Variants in JMJD1C observed in about 807,000 individuals in gnomAD.
JMJD1C encodes jumonji domain-containing protein 1C.
JMJD1C carries 31 observed loss-of-function variants against 245.3 expected under a neutral mutation model. That is an observed-to-expected ratio of 0.13 (90% CI 0.09 to 0.17). The LOEUF is 0.17. JMJD1C is among the 10% of genes least tolerant of loss of function. The pLI, the probability that JMJD1C is intolerant of heterozygous loss-of-function variation, is 1.00. For missense variants in JMJD1C, 2,691 were observed against 3,000.2 expected (o/e 0.90, Z 2.41); for synonymous variants, 1,057 against 1,017.4 (o/e 1.04, Z -0.74).
intron 3 of JMJD1C, among the ~76,000 whole-genome samples, chr10:63,227,583 G>A (rs1210567006): frequency 1.3e-5 from 2 of 152,206 alleles, no homozygotes; most frequent in Non-Finnish European, 2.9e-5. Flanking sequence ...ACTGATATGT[G>A]TGGCTTATTA....
chr10:63,288,574 T>C (rs541378935), intron 2 of JMJD1C, among the ~76,000 whole-genome samples: 5 of 152,312 alleles, frequency 3.3e-5, no homozygotes, highest in East Asian at 3.9e-4. Flanking sequence ...TTACGTCAGG[T>C]TGTTCATGCT....
At chr10:63,398,471 A>C (rs1242835133) in intron 1 of JMJD1C, among the ~76,000 whole-genome samples, 3 of 152,148 alleles carry the variant, frequency 2.0e-5, no homozygotes, top group African/African-American at 7.2e-5. Flanking sequence ...TAATTAGAAA[A>C]GACTACCTCA....
At chr10:63,418,725 G>A (rs542825623) in intron 1 of JMJD1C, among the ~76,000 whole-genome samples, 4 of 152,254 alleles carry the variant, frequency 2.6e-5, no homozygotes, top group Non-Finnish European at 5.9e-5. Context: ...TATCATGTGG[G>A]GGGGGTTTCT....
intron 3 of JMJD1C, among the ~76,000 whole-genome samples, chr10:63,235,437 C>G (rs761555810): frequency 3.3e-5 from 5 of 152,070 alleles, no homozygotes; most frequent in African/African-American, 4.8e-5. Context: ...GCAGAGGTTG[C>G]AGTGAGCCGA....
intron 1 of JMJD1C, among the ~76,000 whole-genome samples, chr10:63,500,985 G>A (rs576556161): frequency 1.3e-5 from 2 of 151,256 alleles, no homozygotes; most frequent in East Asian, 1.9e-4. Context: ...ATTATAACAC[G>A]AACTACTACA....
At chr10:63,337,580 AAAG>A (rs1564804325) in intron 2 of JMJD1C, among the ~76,000 whole-genome samples, 1 of 88,486 alleles carries the variant, frequency 1.1e-5, no homozygotes, top group African/African-American at 7.3e-5. Flanking sequence ...AAAGAAAAGA[AAAG>A]AAAAGAAAAG....
rs78571348 is a variant in JMJD1C, at chr10:63,308,789, A to G, written c.334-44025T>C. ...AAAAAGAAAGGGAAAACTGTCATCA[A>G]AAAGAAAAAAAAACAACAACTAAAG... is the stretch of plus-strand genomic sequence containing the variant. On this transcript the variant is annotated intron_variant, in intron 2 of 25. Coordinates refer to ENST00000399262, the MANE Select transcript of JMJD1C (RefSeq NM_032776.3). Among the ~76,000 whole-genome samples, 19 of 151,582 alleles carry G rather than the reference A, an allele frequency of 1.3e-4. 1 individual carries two copies. In the East Asian group the frequency reaches 3.7e-3, roughly 29 times the overall value.
At chr10:63,367,540 C>A (rs191887430) in intron 2 of JMJD1C, among the ~76,000 whole-genome samples, 2 of 152,128 alleles carry the variant, frequency 1.3e-5, no homozygotes, top group East Asian at 3.9e-4. Flanking sequence ...GCTACTGTAC[C>A]CGGCAATTCA....
In JMJD1C at chr10:63,183,493, T is replaced by C. The variant is rs780428642; in HGVS notation, c.7038A>G (p.Leu2346=). ...TTCCTTTTGCTATGCCAACATAAAC[T>C]AGTATATTTACAACATCAGAAACTT... is the stretch of plus-strand genomic sequence containing the variant. ...HIEVSDVVNI[L]VYVGIAKGNG... Residue 2346 remains leucine (L), a synonymous_variant, in exon 22 of 26, where the codon CTA becomes CTG. Transcript: ENST00000399262. 2 of 1,606,618 alleles carry C rather than the reference T, an allele frequency of 1.2e-6. No homozygotes were observed. Among genetic ancestry groups the C allele is most frequent in the Admixed American group, 1.7e-5 (1 of 58,428 alleles).
chr10:63,213,231 A>G (rs1847579175), intron 8 of JMJD1C, among the ~76,000 whole-genome samples: 1 of 151,592 alleles, frequency 6.6e-6, no homozygotes, highest in South Asian at 2.1e-4. Context: ...ATTTAAATCT[A>G]TAATAAATAA....
chr10:63,422,679 C>A (rs1362247526), intron 1 of JMJD1C, among the ~76,000 whole-genome samples: 1 of 152,072 alleles, frequency 6.6e-6, no homozygotes, highest in Non-Finnish European at 1.5e-5. Flanking sequence ...AGCATGAGGG[C>A]AATAATATGC....
chr10:63,518,772 A>G (rs530455195), intron 1 of JMJD1C, among the ~76,000 whole-genome samples: 1 of 152,344 alleles, frequency 6.6e-6, no homozygotes, highest in South Asian at 2.1e-4. Flanking sequence ...CCTTCACTCA[A>G]CAAATGCAAG....
chr10:63,408,359 C>T (rs1410870894), intron 1 of JMJD1C, among the ~76,000 whole-genome samples: 1 of 151,686 alleles, frequency 6.6e-6, no homozygotes, highest in Non-Finnish European at 1.5e-5. Flanking sequence ...GCCGAGATCG[C>T]GCCATTGCAC....
chr10:63,521,012 T>C (rs1464559573), intron 1 of JMJD1C, among the ~76,000 whole-genome samples: 1 of 151,400 alleles, frequency 6.6e-6, no homozygotes, highest in Admixed American at 6.6e-5. Flanking sequence ...TGGTCGAGAG[T>C]TTTATTGGAC....
Position 63,214,662 on chromosome 10 carries a change from C to T in JMJD1C, c.1505G>A (p.Arg502Lys), listed in dbSNP as rs757689115. 6.2e-7 allele frequency: 1 copy of T among 1,614,028 alleles called. No individual in the cohort carries two copies. The highest frequency in any genetic ancestry group is 8.5e-7 in the Non-Finnish European group (1 of 1,179,970). Residue 502 changes from arginine to lysine, a missense_variant, in exon 8 of 26, where the codon AGA (arginine) becomes AAA (lysine). Arg to Lys is a conservative substitution (Grantham distance 26). Transcript: ENST00000399262. Reference protein sequence around the residue: ...ELLPKEKFVSRPPTPKCVIDI... With the variant: ...ELLPKEKFVSKPPTPKCVIDI... The stretch of plus-strand genomic sequence containing the variant: ...AATAACACATTTTGGTGTGGGTGGT[C>T]TGGATACAAACTTCTCCTTTGGTAG...
intron 17 of JMJD1C, 103 bp from the exon 18 acceptor site, chr10:63,189,549 C>T (rs1325275548): frequency 2.3e-6 from 2 of 864,476 alleles, no homozygotes; most frequent in Non-Finnish European, 3.5e-6. Flanking sequence ...CCCTACACTC[C>T]ACAATATGCA....
Position 63,185,622 on chromosome 10 carries a change from A to G in JMJD1C, c.6771T>C (p.Val2257=), listed in dbSNP as rs981353505. 1.2e-6 allele frequency: 2 copies of G among 1,605,110 alleles called. No individual in the cohort carries two copies. The highest frequency in any genetic ancestry group is 1.7e-6 in the Non-Finnish European group (2 of 1,171,650). ...AAGGCCAGTCTTTCAATTTTAAAAC[A>G]ACTGTTTCTCCACTCTTGTTTTTCT... ...KRQKNKSGET[V]VLKLKDWPSG... is the part of the protein sequence containing the mutation. Residue 2257 remains valine (V), a synonymous_variant, in exon 20 of 26, where the codon GTT becomes GTC. Coordinates refer to ENST00000399262, the MANE Select transcript of JMJD1C (RefSeq NM_032776.3).
chr10:63,206,268 T>C (rs1237933028), intron 10 of JMJD1C, among the ~76,000 whole-genome samples: 2 of 152,218 alleles, frequency 1.3e-5, no homozygotes, highest in African/African-American at 4.8e-5. Flanking sequence ...CATAACTGCA[T>C]TTTGACAATT....
intron 18 of JMJD1C, 47 bp from the exon 19 acceptor site, chr10:63,186,430 CTTTT>C (rs540765795): frequency 1.2e-5 from 17 of 1,452,600 alleles, no homozygotes; most frequent in East Asian, 7.3e-5. Flanking sequence ...TATAGACTTT[CTTTT>C]TTGTTTGTTT....
Sources: gnomAD v4.1 joint callset for allele counts (sites outside exome capture counted in the v4.1 genomes callset) on GRCh38, gnomAD v4.1.1 for gene constraint, MANE v1.5 for transcripts, NCBI Gene and HGNC (gene_info 2026-07-23, HGNC 2026-07-21) for gene names.